Variants in COL6A6 observed in about 807,000 individuals in gnomAD.
The protein encoded by COL6A6 is collagen alpha-6(VI) chain.
A neutral mutation model predicts 208.6 loss-of-function variants in COL6A6; 183 were observed. The ratio of observed to expected loss-of-function variants is 0.88; its 90% CI spans 0.78 to 0.99. COL6A6 has a LOEUF of 0.99. COL6A6 is among the 50% of genes least tolerant of loss of function. COL6A6 has a pLI of 0.00. For synonymous variants in COL6A6, 973 were observed against 1,011.8 expected (o/e 0.96, Z 0.73); for missense variants, 2,816 against 2,815.2 (o/e 1.00, Z -0.01).
At position 130,561,634 on chromosome 3, in the gene COL6A6, C is replaced by CT. The variant is rs398052265; in HGVS notation, c.64+1235dup. 6.3e-3 allele frequency among the ~76,000 whole-genome samples: 482 copies of CT among 75,964 alleles called. 62 individuals are homozygous for CT. The highest frequency in any genetic ancestry group is 0.043 in the East Asian group (102 of 2,380). The allele number at this position is 75,964 out of a possible 152,430, so 49.8% of individuals were successfully genotyped here. On this transcript the variant is annotated intron_variant, in intron 2 of 36. Transcript: ENST00000358511. ...CTTAGATGTTTTCTAGTTGAATCTA[C>CT]TTTTTTTTTTTTTTTTTTTTTTTTT...
intron 27 of COL6A6, 84 bp from the exon 28 acceptor site, chr3:130,635,615 T>TTAGA: frequency 1.1e-6 from 1 of 902,564 alleles, no homozygotes. Flanking sequence ...TGTCTTCATG[T>TTAGA]TAGAATCAGT....
chr3:130,547,361 G>A (rs964238880), intron 1 of COL6A6, among the ~76,000 whole-genome samples: 71 of 152,390 alleles, frequency 4.7e-4, no homozygotes, highest in African/African-American at 1.4e-3. Flanking sequence ...CAAGTGCGGG[G>A]GCCCGCTGAG....
chr3:130,649,141 A>C lies in COL6A6; in HGVS notation c.5312A>C (p.Gln1771Pro). The C allele has an allele frequency of 6.3e-7, 1 of 1,589,356 alleles. No homozygotes were observed. Among genetic ancestry groups the C allele is most frequent in the Non-Finnish European group, 8.6e-7 (1 of 1,167,312 alleles). ...ALDHSRDVTE[Q>P]EFERMKEMMA... ...GACCACTCCCGGGATGTCACTGAGC[A>C]GGAATTTGAGCGGATGAAGGAGATG... The change falls in exon 33 of 37, where the codon CAG becomes CCG. Residue 1771 changes from glutamine to proline, a missense_variant. Coordinates refer to ENST00000358511, the MANE Select transcript of COL6A6 (RefSeq NM_001102608.3).
intron 15 of COL6A6, 139 bp downstream of exon 15, chr3:130,592,861 T>G: frequency 1.1e-6 from 1 of 932,214 alleles, no homozygotes; most frequent in Admixed American, 2.4e-5. Flanking sequence ...TTCATTTTGT[T>G]TCTTCTTCTC....
Position 130,570,876 on chromosome 3 carries a change from T to G in COL6A6, c.2460T>G (p.Ile820Met). The G allele has an allele frequency of 6.2e-7, 1 of 1,613,984 alleles. No homozygotes were observed. The highest frequency in any genetic ancestry group is 8.5e-7 in the Non-Finnish European group (1 of 1,179,888). The part of the protein sequence containing the change: ...VVFVIDSSGS[I>M]DYDEYNIMKD... Reference sequence around the variant, plus strand: ...TTGTCATTGATAGCTCTGGCAGTATTGACTATGATGAGTATAATATCATGA... The same window carrying G: ...TTGTCATTGATAGCTCTGGCAGTATGGACTATGATGAGTATAATATCATGA... Residue 820 changes from isoleucine (I) to methionine (M), a missense_variant, in exon 7 of 37, where the codon ATT becomes ATG. By Grantham distance (10) the Ile-to-Met change is conservative. Coordinates refer to ENST00000358511, the MANE Select transcript of COL6A6 (RefSeq NM_001102608.3).
At chr3:130,598,229 A>G in intron 18 of COL6A6, 136 bp from the exon 19 acceptor site, 2 of 599,846 alleles carry the variant, frequency 3.3e-6, no homozygotes, top group South Asian at 4.8e-5. Context: ...GCCATCTGTA[A>G]TTTTAACCTA....
rs975687326 is a variant in COL6A6 at position 130,574,596 on chromosome 3, G to A, written c.3547+71G>A. On this transcript the variant is annotated intron_variant, in intron 8 of 36. Coordinates refer to ENST00000358511, the MANE Select transcript of COL6A6 (RefSeq NM_001102608.3). The stretch of plus-strand genomic sequence containing the variant: ...TCTGGCATTTTCTTCCAGCTCCATT[G>A]TCATCCCCTGGGGCTAGTGGGAGAA... 2.4e-6 allele frequency: 3 copies of A among 1,276,326 alleles called. No individual in the cohort carries two copies. In the Admixed American group the frequency reaches 5.5e-5, roughly 23 times the overall value. The allele number at this position is 1,276,326 out of a possible 1,614,324, so 79.1% of individuals were successfully genotyped here.
intron 28 of COL6A6, among the ~76,000 whole-genome samples, chr3:130,640,617 C>A (rs2108359817): frequency 6.6e-6 from 1 of 152,118 alleles, no homozygotes; most frequent in Non-Finnish European, 1.5e-5. Flanking sequence ...TTTTTTATTC[C>A]TGTAAATGTT....
chr3:130,629,099 G>A lies in COL6A6; in HGVS notation c.4992+1730G>A, dbSNP rs1399600877. Among the ~76,000 whole-genome samples, 33 of 39,366 alleles carry A rather than the reference G, an allele frequency of 8.4e-4. 1 individual carries two copies. Among genetic ancestry groups the A allele is most frequent in the Non-Finnish European group, 6.2e-4 (16 of 25,660 alleles). 25.8% of individuals were successfully genotyped at this position (39,366 alleles called of 152,430 possible). On this transcript the variant is annotated intron_variant, in intron 26 of 36. Transcript: ENST00000358511. Reference sequence around the variant, plus strand: ...AGGCTTCAGACGATCAAATTACTCTGAGCTACGGGAGGACATTCAAACCAA... The same window carrying A: ...AGGCTTCAGACGATCAAATTACTCTAAGCTACGGGAGGACATTCAAACCAA...
At chr3:130,579,908 A>G (rs2063381131) in intron 8 of COL6A6, among the ~76,000 whole-genome samples, 1 of 152,214 alleles carries the variant, frequency 6.6e-6, no homozygotes, top group East Asian at 1.9e-4. Context: ...CTTGTCCACC[A>G]AATTCCATTC....
chr3:130,577,715 GCTT>G (rs1017608533), intron 8 of COL6A6, among the ~76,000 whole-genome samples: 26 of 152,214 alleles, frequency 1.7e-4, no homozygotes, highest in African/African-American at 6.0e-4. Context: ...CTCTGTCACA[GCTT>G]CTTCATCTGC....
At chr3:130,526,974 G>A (rs567949742) in intron 1 of COL6A6, among the ~76,000 whole-genome samples, 2 of 149,962 alleles carry the variant, frequency 1.3e-5, no homozygotes, top group African/African-American at 4.9e-5. Flanking sequence ...AGGAAAATCG[G>A]TCTCCGAGAG....
intron 18 of COL6A6, among the ~76,000 whole-genome samples, chr3:130,595,584 G>A (rs1401493985): frequency 6.6e-6 from 1 of 151,910 alleles, no homozygotes. Context: ...TTTTTTTCTG[G>A]CTTCTTTTGC....
Position 130,675,499 on chromosome 3 carries a change from T to C in COL6A6, c.*102T>C. On this transcript the variant is annotated 3_prime_UTR_variant, in exon 37 of 37. Coordinates refer to ENST00000358511, the MANE Select transcript of COL6A6 (RefSeq NM_001102608.3). ...AACTCAAGCAACAGTTTGTAGGTTA[T>C]CAGGTGACTTGACCCCCTGCATTCA... 2 of 823,186 alleles carry C rather than the reference T, an allele frequency of 2.4e-6. No homozygotes were observed. Among genetic ancestry groups the C allele is most frequent in the Non-Finnish European group, 3.7e-6 (2 of 537,860 alleles). The allele number at this position is 823,186 out of a possible 1,614,324, so 51.0% of individuals were successfully genotyped here.
intron 1 of COL6A6, among the ~76,000 whole-genome samples, chr3:130,520,353 C>T (rs928343614): frequency 2.0e-5 from 3 of 152,040 alleles, no homozygotes; most frequent in Non-Finnish European, 4.4e-5. Context: ...GACTAAAGGC[C>T]GACCTTTCTA....
chr3:130,578,206 CAA>C (rs1243872967), intron 8 of COL6A6, among the ~76,000 whole-genome samples: 3 of 152,036 alleles, frequency 2.0e-5, no homozygotes, highest in African/African-American at 7.3e-5. Context: ...ATAGATGAAT[CAA>C]GAGGGAGACT....
intron 28 of COL6A6, among the ~76,000 whole-genome samples, chr3:130,636,339 A>G (rs991996016): frequency 6.6e-6 from 1 of 152,224 alleles, no homozygotes; most frequent in Non-Finnish European, 1.5e-5. Flanking sequence ...AGTACAATTC[A>G]TCCTGTAGGC....
chr3:130,598,373 T>A lies in COL6A6; in HGVS notation c.4542T>A (p.Pro1514=), dbSNP rs1203007433. The A allele has an allele frequency of 1.7e-5, 27 of 1,544,144 alleles. No homozygotes were observed. The Admixed American group carries it at 5.1e-4, about 29-fold the overall frequency. The part of the protein sequence containing the change: ...AKGLRGDPGA[P]GVDSSIEGPT... Reference sequence around the variant, plus strand: ...TTATTTTCTATTTTTAGGGAGCTCCTGGAGTTGACAGTAGCATAGAAGGAC... The same window carrying A: ...TTATTTTCTATTTTTAGGGAGCTCCAGGAGTTGACAGTAGCATAGAAGGAC... The change falls in exon 19 of 37, where the codon CCT becomes CCA. Residue 1514 remains proline (P), a synonymous_variant. Coordinates refer to ENST00000358511, the MANE Select transcript of COL6A6 (RefSeq NM_001102608.3).
At chr3:130,531,055 CACACAG>C (rs1483332750) in intron 1 of COL6A6, among the ~76,000 whole-genome samples, 54 of 19,524 alleles carry the variant, frequency 2.8e-3, no homozygotes, top group African/African-American at 4.5e-3. Context: ...CACACACACA[CACACAG>C]TCTCTCTCTC....
Sources: gnomAD v4.1 joint callset for allele counts (sites outside exome capture counted in the v4.1 genomes callset) on GRCh38, gnomAD v4.1.1 for gene constraint, MANE v1.5 for transcripts, NCBI Gene and HGNC (gene_info 2026-07-23, HGNC 2026-07-21) for gene names.